The following MSI1 variants were observed in gnomAD, a reference collection of about 807,000 sequenced individuals.
The protein encoded by MSI1 is musashi RNA binding protein 1, also known as RNA-binding protein Musashi homolog 1.
MSI1 carries 15 observed loss-of-function variants against 54.4 expected under a neutral mutation model. The ratio of observed to expected loss-of-function variants is 0.28; its 90% CI spans 0.18 to 0.42. MSI1 has a LOEUF of 0.42. Among genes scored for constraint, MSI1 ranks in the 20% least tolerant of loss-of-function variants. The pLI is 1.00. For missense variants in MSI1, 304 were observed against 506.0 expected (o/e 0.60, Z 3.83); for synonymous variants, 200 against 196.5 (o/e 1.02, Z -0.15).
chr12:120,358,975 G>A (rs1431696181), intron 7 of MSI1, 30 bp downstream of exon 7: 1 of 1,562,938 alleles, frequency 6.4e-7, no homozygotes, highest in Non-Finnish European at 8.7e-7. Flanking sequence ...ACGGGGCCCA[G>A]CCTGGGAAGG....
intron 9 of MSI1, among the ~76,000 whole-genome samples, chr12:120,355,220 A>G (rs1475738064): frequency 6.6e-6 from 1 of 151,826 alleles, no homozygotes; most frequent in Non-Finnish European, 1.5e-5. Context: ...CCTGGCTAAC[A>G]CAGTGAAACC....
At chr12:120,339,916 CT>C (rs941626800), downstream of MSI1, among the ~76,000 whole-genome samples, 6 of 151,816 alleles carry the variant, frequency 4.0e-5, no homozygotes, top group East Asian at 1.2e-3. Flanking sequence ...GTAGCTGAGA[CT>C]ACAGGCCTGC....
chr12:120,345,981 A>T (rs1463463409), intron 13 of MSI1, among the ~76,000 whole-genome samples, 154 bp downstream of exon 13: 1 of 152,188 alleles, frequency 6.6e-6, no homozygotes, highest in African/African-American at 2.4e-5. Context: ...AATGAATGAT[A>T]ACCCCCACAA....
At chr12:120,352,543 G>C (rs1874708828) in intron 10 of MSI1, among the ~76,000 whole-genome samples, 1 of 107,370 alleles carries the variant, frequency 9.3e-6, no homozygotes, top group Non-Finnish European at 2.2e-5. Flanking sequence ...TCTAAAATGA[G>C]GATAAGCATC....
At chr12:120,355,506 A>G (rs892400102) in intron 9 of MSI1, among the ~76,000 whole-genome samples, 1 of 152,204 alleles carries the variant, frequency 6.6e-6, no homozygotes, top group Admixed American at 6.5e-5. Flanking sequence ...TAATCTTAGG[A>G]AGCATCAAAG....
At chr12:120,359,139 C>T (rs951864221) in intron 6 of MSI1, 86 bp from the exon 7 acceptor site, 3 of 1,489,984 alleles carry the variant, frequency 2.0e-6, no homozygotes, top group Non-Finnish European at 2.7e-6. Context: ...CAACCCACTG[C>T]CCTCTTGCCC....
At chr12:120,340,726 C>T (rs1873636602), downstream of MSI1, among the ~76,000 whole-genome samples, 1 of 151,826 alleles carries the variant, frequency 6.6e-6, no homozygotes, top group South Asian at 2.1e-4. Context: ...GTTGCCCAGG[C>T]TGGTCTTGAA....
At chr12:120,356,331 C>G (rs1262683363) in intron 9 of MSI1, among the ~76,000 whole-genome samples, 1 of 152,160 alleles carries the variant, frequency 6.6e-6, no homozygotes, top group Non-Finnish European at 1.5e-5. Flanking sequence ...GCCTGGAACA[C>G]TTTTCCCCTT....
chr12:120,363,263 C>A (rs1261310980), intron 5 of MSI1, 128 bp from the exon 6 acceptor site: 2 of 511,432 alleles, frequency 3.9e-6, no homozygotes, highest in Admixed American at 8.4e-5. Context: ...CTTTAAAGGC[C>A]CCCCCCCCGC....
Position 120,357,843 on chromosome 12 carries a change from A to G in MSI1, c.507T>C (p.Ile169=). The G allele has an allele frequency of 6.2e-7, 1 of 1,614,178 alleles. No individual in the cohort carries two copies. The highest frequency in any genetic ancestry group is 8.5e-7 in the Non-Finnish European group (1 of 1,180,036). Residue 169 remains isoleucine, a synonymous_variant, in exon 8 of 15, where the codon ATT becomes ATC. Transcript: ENST00000257552. ...TTTTGTTGTTGATTTCATGAAAATG[A>G]ATTTCACACACTTTCTCCACGATGT... The part of the protein sequence containing the change: ...SEDIVEKVCE[I]HFHEINNKMV...
At position 120,342,059 on chromosome 12, in the gene MSI1, G is replaced by C. The variant is rs992178947; in HGVS notation, c.*1068C>G. 6.6e-6 allele frequency: 1 copy of C among 152,632 alleles called. No homozygotes were observed. The allele number at this position is 152,632 out of a possible 1,614,324, so 9.5% of individuals were successfully genotyped here. On this transcript the variant is annotated 3_prime_UTR_variant, in exon 15 of 15. Transcript: ENST00000257552. ...TGAGACGCCCTTTGCTTTCCCCTGG[G>C]GTCTGCCCTCGCCAGAGCGTCCCCT...
At chr12:120,347,591 C>T (rs952513100) in intron 11 of MSI1, 77 bp from the exon 12 acceptor site, 57 of 1,571,622 alleles carry the variant, frequency 3.6e-5, no homozygotes, top group African/African-American at 3.2e-4. Flanking sequence ...ACCTTTTAGG[C>T]AGAGCCTGTC....
At chr12:120,364,794 C>T (rs748157308) in intron 4 of MSI1, 39 bp from the exon 5 acceptor site, 107 of 1,571,592 alleles carry the variant, frequency 6.8e-5, no homozygotes, top group South Asian at 6.4e-4. Context: ...TCTTGGTTAT[C>T]GCATTTTTAG....
At chr12:120,346,561 C>T (rs1455105428) in intron 12 of MSI1, among the ~76,000 whole-genome samples, 1 of 152,080 alleles carries the variant, frequency 6.6e-6, no homozygotes, top group East Asian at 1.9e-4. Flanking sequence ...CCTCTCCCCA[C>T]CTAGCAGCTG....
intron 6 of MSI1, among the ~76,000 whole-genome samples, chr12:120,361,000 A>G (rs992701197): frequency 6.6e-6 from 1 of 152,158 alleles, no homozygotes; most frequent in Non-Finnish European, 1.5e-5. Context: ...CTTAACTCAC[A>G]GACCCAGGAT....
At chr12:120,356,178 C>T (rs1875100349) in intron 9 of MSI1, among the ~76,000 whole-genome samples, 1 of 152,168 alleles carries the variant, frequency 6.6e-6, no homozygotes, top group Admixed American at 6.6e-5. Flanking sequence ...TTACTCCTGT[C>T]TCCAACTTGA....
In MSI1 at chr12:120,369,072, T is replaced by C; in HGVS notation, c.20A>G (p.Gln7Arg). The change falls in exon 1 of 15, where the codon CAG becomes CGG. Residue 7 changes from glutamine (Q) to arginine (R), a missense_variant. Gln to Arg is a conservative substitution (Grantham distance 43). Transcript: ENST00000257552. ...CGAGTCCGGGGAGGCGAGGCCGGGC[T>C]GGGGCGCGTCAGTCTCCATCGGGAG... METDAPQPGLASPDSPH... is the reference protein window; with the variant it reads METDAPRPGLASPDSPH... 1 of 1,021,212 alleles carries C rather than the reference T, an allele frequency of 9.8e-7. No homozygotes were observed. Among genetic ancestry groups the C allele is most frequent in the Non-Finnish European group, 1.2e-6 (1 of 857,560 alleles). 63.3% of individuals were successfully genotyped at this position (1,021,212 alleles called of 1,614,324 possible).
intron 6 of MSI1, among the ~76,000 whole-genome samples, chr12:120,362,060 C>G (rs1875703326): frequency 6.6e-6 from 1 of 152,022 alleles, no homozygotes; most frequent in Non-Finnish European, 1.5e-5. Context: ...CGGGCCCGCC[C>G]GACCTGCCCT....
chr12:120,357,335 C>T (rs1875221749), intron 8 of MSI1, among the ~76,000 whole-genome samples: 1 of 152,184 alleles, frequency 6.6e-6, no homozygotes, highest in South Asian at 2.1e-4. Flanking sequence ...GTGACACTGC[C>T]TCCCTGTCTA....
Sources: gnomAD v4.1 joint callset for allele counts (sites outside exome capture counted in the v4.1 genomes callset) on GRCh38, gnomAD v4.1.1 for gene constraint, MANE v1.5 for transcripts, NCBI Gene and HGNC (gene_info 2026-07-23, HGNC 2026-07-21) for gene names.